Variants in FAM227A observed in about 807,000 individuals in gnomAD.
FAM227A encodes the protein protein FAM227A.
In FAM227A, 80 loss-of-function variants were observed where a neutral mutation model predicts 74.7. The ratio of observed to expected loss-of-function variants is 1.07; its 90% CI spans 0.89 to 1.29. The LOEUF (loss-of-function observed/expected upper bound fraction) is 1.29. FAM227A is among the 50% of genes most tolerant of loss of function. The pLI is 0.00. For missense variants in FAM227A, 654 were observed against 683.4 expected (o/e 0.96, Z 0.48); for synonymous variants, 237 against 241.8 (o/e 0.98, Z 0.19).
chr22:38,590,973 T>C (rs2090921273), intron 16 of FAM227A, among the ~76,000 whole-genome samples: 1 of 151,980 alleles, frequency 6.6e-6, no homozygotes, highest in Non-Finnish European at 1.5e-5. Flanking sequence ...TTAGTAGAGA[T>C]GGGGTTTCAC....
chr22:38,644,434 TGGG>T (rs2092187593), intron 3 of FAM227A, among the ~76,000 whole-genome samples: 3 of 143,054 alleles, frequency 2.1e-5, no homozygotes, highest in African/African-American at 7.9e-5. Context: ...AGAGGACTGT[TGGG>T]ACAGCGAAAC....
chr22:38,613,497 G>A (rs1348038540), intron 11 of FAM227A, among the ~76,000 whole-genome samples: 1 of 109,896 alleles, frequency 9.1e-6, no homozygotes, highest in African/African-American at 3.3e-5. Context: ...CCCTGACAAT[G>A]CAGTTTCTAG....
intron 6 of FAM227A, among the ~76,000 whole-genome samples, chr22:38,633,336 A>G (rs1401336620): frequency 1.3e-5 from 2 of 152,178 alleles, no homozygotes; most frequent in African/African-American, 4.8e-5. Context: ...CGTTCCTCAT[A>G]GGACCTCAAA....
chr22:38,613,654 C>G (rs1005480806), intron 11 of FAM227A, among the ~76,000 whole-genome samples: 1 of 151,226 alleles, frequency 6.6e-6, no homozygotes, highest in African/African-American at 2.4e-5. Flanking sequence ...TCAAAGACAT[C>G]ATTTTTCCTA....
rs761598593 is a variant in FAM227A, at chr22:38,591,509, C to G, written c.1564G>C (p.Asp522His). ...AACATGTGGTTTGCCTTTTTTGTAT[C>G]TGCTGCTTTTGGATCAATATTCTTC... is the stretch of plus-strand genomic sequence containing the variant. The part of the protein sequence containing the change: ...EMKNIDPKAA[D>H]TKKANHMFIP... Residue 522 changes from aspartate to histidine, a missense_variant, in exon 16 of 17, where the codon GAT becomes CAT. Coordinates refer to ENST00000535113, the MANE Select transcript of FAM227A (RefSeq NM_001013647.2). 1 of 1,547,828 alleles carries G rather than the reference C, an allele frequency of 6.5e-7. No individual in the cohort carries two copies. Among genetic ancestry groups the G allele is most frequent in the African/African-American group, 1.4e-5 (1 of 72,738 alleles).
At chr22:38,618,750 T>A (rs930483879) in intron 11 of FAM227A, among the ~76,000 whole-genome samples, 1 of 152,150 alleles carries the variant, frequency 6.6e-6, no homozygotes, top group East Asian at 1.9e-4. Context: ...GCAAACTTTT[T>A]CTGCAAAAAG....
At chr22:38,616,815 C>T (rs946181008) in intron 11 of FAM227A, among the ~76,000 whole-genome samples, 2 of 151,942 alleles carry the variant, frequency 1.3e-5, no homozygotes, top group East Asian at 1.9e-4. Context: ...GAAAGAGGGG[C>T]GCTAAGGGCA....
In FAM227A at chr22:38,582,986, G is replaced by T; in HGVS notation, c.*3139C>A. 1 of 1,545,322 alleles carries T rather than the reference G, an allele frequency of 6.5e-7. No individual in the cohort carries two copies. Among genetic ancestry groups the T allele is most frequent in the South Asian group, 1.2e-5 (1 of 83,880 alleles). On this transcript the variant is annotated 3_prime_UTR_variant, in exon 17 of 17. Coordinates refer to ENST00000535113, the MANE Select transcript of FAM227A (RefSeq NM_001013647.2). The stretch of plus-strand genomic sequence containing the variant: ...AGGAGGGAGGAGAAGGCATTTTCAG[G>T]TCCAGAAGCAGCAACAGACAAAAGA...
intron 11 of FAM227A, among the ~76,000 whole-genome samples, chr22:38,607,861 C>T (rs909773841): frequency 2.6e-5 from 4 of 152,160 alleles, no homozygotes; most frequent in African/African-American, 9.7e-5. Flanking sequence ...TGCTGTCACC[C>T]TTTATGCAAT....
At chr22:38,638,944 C>T in intron 4 of FAM227A, 122 bp from the exon 5 acceptor site, 1 of 612,514 alleles carries the variant, frequency 1.6e-6, no homozygotes. Context: ...TACTACTAGT[C>T]TCATAGGTCC....
At chr22:38,621,114 A>G (rs1159480661) in intron 10 of FAM227A, among the ~76,000 whole-genome samples, 1 of 152,032 alleles carries the variant, frequency 6.6e-6, no homozygotes, top group Non-Finnish European at 1.5e-5. Context: ...AGGTGGGTGG[A>G]TTGCTTGAGC....
At chr22:38,608,585 C>T (rs1194926839) in intron 11 of FAM227A, among the ~76,000 whole-genome samples, 1 of 151,796 alleles carries the variant, frequency 6.6e-6, no homozygotes, top group Non-Finnish European at 1.5e-5. Flanking sequence ...TGTCCGCCAC[C>T]ACGCCCAGCT....
intron 2 of FAM227A, among the ~76,000 whole-genome samples, chr22:38,646,514 G>A (rs889214444): frequency 4.7e-5 from 7 of 149,858 alleles, no homozygotes; most frequent in South Asian, 2.1e-4. Flanking sequence ...CGCCCGCCTC[G>A]GCCTCCCAAA....
At chr22:38,600,768 A>G (rs2091157265) in intron 13 of FAM227A, among the ~76,000 whole-genome samples, 1 of 151,848 alleles carries the variant, frequency 6.6e-6, no homozygotes, top group South Asian at 2.1e-4. Context: ...CCTAGCCAAC[A>G]TGGTAAAACC....
At chr22:38,649,924 TA>T (rs2092299794) in intron 2 of FAM227A, 102 bp downstream of exon 2, 3 of 977,472 alleles carry the variant, frequency 3.1e-6, no homozygotes, top group Non-Finnish European at 4.5e-6. Context: ...GACAAGCTAA[TA>T]AGTAATGTGC....
At chr22:38,608,144 C>T (rs752916574) in intron 11 of FAM227A, among the ~76,000 whole-genome samples, 32 of 138,522 alleles carry the variant, frequency 2.3e-4, no homozygotes, top group Non-Finnish European at 4.9e-4. Flanking sequence ...CATAGTGAGA[C>T]CTTTTCTCTA....
In FAM227A at chr22:38,601,550, A is replaced by AT. The variant is rs200066220; in HGVS notation, c.1222-1630dup. Reference sequence around the variant, plus strand: ...GGCAGATTCTGAGCTGGGGTACAATATAATCTGAGTAATCTGTTAAGGTCT... The same window carrying AT: ...GGCAGATTCTGAGCTGGGGTACAATATTAATCTGAGTAATCTGTTAAGGTCT... On this transcript the variant is annotated intron_variant, in intron 13 of 16. Transcript: ENST00000535113. 3.1e-4 allele frequency among the ~76,000 whole-genome samples: 47 copies of AT among 152,256 alleles called. 1 individual carries two copies. The East Asian group carries it at 7.3e-3, about 24-fold the overall frequency.
chr22:38,642,016 G>T (rs1192832120), intron 3 of FAM227A, among the ~76,000 whole-genome samples: 6 of 152,046 alleles, frequency 3.9e-5, no homozygotes, highest in Non-Finnish European at 8.8e-5. Context: ...TTATTGAAGG[G>T]TTTGTATTTT....
intron 2 of FAM227A, among the ~76,000 whole-genome samples, chr22:38,648,779 C>T (rs2092281123): frequency 6.6e-6 from 1 of 151,724 alleles, no homozygotes; most frequent in South Asian, 2.1e-4. Context: ...TCGAGACCAG[C>T]CTGACAAACA....
Sources: gnomAD v4.1 joint callset for allele counts (sites outside exome capture counted in the v4.1 genomes callset) on GRCh38, gnomAD v4.1.1 for gene constraint, MANE v1.5 for transcripts, NCBI Gene and HGNC (gene_info 2026-07-23, HGNC 2026-07-21) for gene names.